RAD51C: variants seen among roughly 807,000 people sequenced by gnomAD.
RAD51C encodes the protein DNA repair protein RAD51 homolog 3.
Under a neutral mutation model 45.0 loss-of-function variants are expected in RAD51C, and 42 were observed. The ratio of observed to expected loss-of-function variants is 0.93; its 90% CI spans 0.73 to 1.21. The LOEUF (loss-of-function observed/expected upper bound fraction) is 1.21, where lower values mean the gene tolerates loss of function less well. RAD51C is among the 50% of genes most tolerant of loss of function. RAD51C has a pLI of 0.00. For synonymous variants in RAD51C, 172 were observed against 159.8 expected (o/e 1.08, Z -0.58); for missense variants, 474 against 452.2 (o/e 1.05, Z -0.44).
chr17:58,733,970 C>T (rs1468496492), intron 8 of RAD51C, 148 bp from the exon 9 acceptor site: 5 of 1,235,992 alleles, frequency 4.0e-6, no homozygotes, highest in Non-Finnish European at 5.5e-6. Flanking sequence ...CCCACCTCAG[C>T]CTCCCAAAGT....
chr17:58,711,947 C>A (rs559603755), intron 5 of RAD51C, among the ~76,000 whole-genome samples: 2 of 152,012 alleles, frequency 1.3e-5, no homozygotes, highest in East Asian at 3.9e-4. Flanking sequence ...CACCTGTAAT[C>A]CCAGCACTTT....
At position 58,703,322 on chromosome 17, in the gene RAD51C, A is replaced by G. The variant is rs754895072; in HGVS notation, c.698A>G (p.His233Arg). Reference protein sequence around the residue: ...VYLLPDFLSEHSKVRLVIVDG... With the variant: ...VYLLPDFLSERSKVRLVIVDG... ...CTTCTTCCAGATTTCCTTTCAGAAC[A>G]CTCAAAGGTATGAGTCAGACTACTG... The change falls in exon 4 of 9, where the codon CAC becomes CGC. Residue 233 changes from histidine to arginine, a missense_variant. His to Arg is a conservative substitution (Grantham distance 29). Coordinates refer to ENST00000337432, the MANE Select transcript of RAD51C (RefSeq NM_058216.3). 8.7e-6 allele frequency: 14 copies of G among 1,611,880 alleles called. No individual in the cohort carries two copies. In the South Asian group the frequency reaches 1.2e-4, roughly 14 times the overall value.
At chr17:58,692,588 G>A, upstream of RAD51C, 7 of 1,600,978 alleles carry the variant, frequency 4.4e-6, no homozygotes, top group Non-Finnish European at 5.9e-6. Flanking sequence ...CACGCCGCAC[G>A]CCCCAGCGAG....
chr17:58,703,796 C>CA (rs937300906), intron 4 of RAD51C, among the ~76,000 whole-genome samples: 21 of 147,286 alleles, frequency 1.4e-4, no homozygotes, highest in African/African-American at 2.7e-4. Flanking sequence ...TTGTCCCCAC[C>CA]AAAAAAAAAA....
chr17:58,705,879 C>T (rs1201998485), intron 4 of RAD51C: 1 of 151,134 alleles, frequency 6.6e-6, no homozygotes, highest in African/African-American at 2.4e-5. Flanking sequence ...TCCACACAGC[C>T]CCAAACGTCT....
chr17:58,705,506 G>T (rs923549823), intron 4 of RAD51C, among the ~76,000 whole-genome samples: 2 of 151,958 alleles, frequency 1.3e-5, no homozygotes, highest in Admixed American at 6.6e-5. Context: ...GCTAATTTTT[G>T]TATTTTTAGT....
rs2143718388 is a variant in RAD51C at position 58,694,964 on chromosome 17, C to T, written c.179C>T (p.Thr60Ile). 6.2e-7 allele frequency: 1 copy of T among 1,613,950 alleles called. No homozygotes were observed. Among genetic ancestry groups the T allele is most frequent in the Non-Finnish European group, 8.5e-7 (1 of 1,179,922 alleles). Residue 60 changes from threonine to isoleucine, a missense_variant, in exon 2 of 9, where the codon ACT (threonine) becomes ATT (isoleucine). Thr to Ile is a moderately conservative substitution (Grantham distance 89, BLOSUM62 -1). Coordinates refer to ENST00000337432, the MANE Select transcript of RAD51C (RefSeq NM_058216.3). ...ATATCTAAAGCAGAAGCCTTAGAAA[C>T]TCTGCAAATTATCAGAAGAGAATGT... ...VGISKAEALE[T>I]LQIIRRECLT...
chr17:58,702,562 G>A (rs1210618179), intron 3 of RAD51C, among the ~76,000 whole-genome samples: 1 of 151,872 alleles, frequency 6.6e-6, no homozygotes, highest in Non-Finnish European at 1.5e-5. Flanking sequence ...GCATGGTGGC[G>A]AGTGACTGTA....
At chr17:58,732,233 T>C in intron 7 of RAD51C, 1 of 390,046 alleles carries the variant, frequency 2.6e-6, no homozygotes, top group Non-Finnish European at 4.7e-6. Context: ...TCTCATCATA[T>C]GTAAAATAAT....
intron 7 of RAD51C, among the ~76,000 whole-genome samples, chr17:58,725,521 A>G (rs997352107): frequency 5.9e-5 from 9 of 152,230 alleles, no homozygotes; most frequent in African/African-American, 1.7e-4. Flanking sequence ...GAAAAATAAT[A>G]GGAACAGAGC....
At chr17:58,712,049 C>G (rs2048573117) in intron 5 of RAD51C, among the ~76,000 whole-genome samples, 1 of 151,134 alleles carries the variant, frequency 6.6e-6, no homozygotes, top group Non-Finnish European at 1.5e-5. Context: ...AAAAAAAATA[C>G]ATAAAATAAG....
chr17:58,694,479 ATT>A (rs35324884), intron 1 of RAD51C: 164 of 148,072 alleles, frequency 1.1e-3, no homozygotes, highest in South Asian at 4.1e-3. Flanking sequence ...ATTAAGCTGA[ATT>A]TTTTTTTTTT....
At chr17:58,713,949 GT>G (rs1482724431) in intron 5 of RAD51C, among the ~76,000 whole-genome samples, 1 of 151,538 alleles carries the variant, frequency 6.6e-6, no homozygotes, top group African/African-American at 2.4e-5. Flanking sequence ...CTGTAGCGTA[GT>G]TTTTTTAACC....
intron 3 of RAD51C, among the ~76,000 whole-genome samples, chr17:58,697,540 T>TA (rs34530914): frequency 0.39 from 40,682 of 103,610 alleles, 7,345 homozygotes; most frequent in East Asian, 0.56. Flanking sequence ...CTCTGTCTCT[T>TA]AAAAAAAAAA....
At chr17:58,692,861 T>C (rs2143684598) in intron 1 of RAD51C, 73 bp downstream of exon 1, 1 of 1,607,994 alleles carries the variant, frequency 6.2e-7, no homozygotes, top group Non-Finnish European at 8.5e-7. Context: ...TTCTCTCGCC[T>C]CGGCCTTCAG....
intron 5 of RAD51C, among the ~76,000 whole-genome samples, chr17:58,714,542 T>C (rs2143884704): frequency 6.6e-6 from 1 of 152,306 alleles, no homozygotes; most frequent in East Asian, 1.9e-4. Flanking sequence ...CACTGCAACC[T>C]GTGCCTCCTG....
At chr17:58,729,061 A>C (rs188366646) in intron 7 of RAD51C, among the ~76,000 whole-genome samples, 1 of 152,286 alleles carries the variant, frequency 6.6e-6, no homozygotes, top group East Asian at 1.9e-4. Flanking sequence ...TTCCTGACCC[A>C]AACTATGTAG....
At chr17:58,695,553 A>G (rs1231486790) in intron 2 of RAD51C, among the ~76,000 whole-genome samples, 1 of 152,148 alleles carries the variant, frequency 6.6e-6, no homozygotes, top group East Asian at 1.9e-4. Context: ...TGGGAGGCCG[A>G]GGCAGGAGGA....
rs1027059784 is a variant in RAD51C at position 58,692,775 on chromosome 17, C to T, written c.132C>T (p.Ser44=). 1 of 1,614,224 alleles carries T rather than the reference C, an allele frequency of 6.2e-7. No homozygotes were observed. The stretch of plus-strand genomic sequence containing the variant: ...AGGAACTCCTAGAGGTGAAACCCTC[C>T]GAGCTTAGCAAAGGTAACGACTCCT... ...TAEELLEVKP[S]ELSKEVGISK... Residue 44 remains serine, a synonymous_variant, in exon 1 of 9, where the codon TCC becomes TCT. Transcript: ENST00000337432.
Sources: allele counts gnomAD v4.1 joint callset (sites outside exome capture counted in the v4.1 genomes callset), GRCh38; gene constraint gnomAD v4.1.1; transcripts MANE v1.5; gene names NCBI Gene and HGNC (gene_info 2026-07-23, HGNC 2026-07-21).